PTPRR: variants seen among roughly 807,000 people sequenced by gnomAD.
The protein encoded by PTPRR is receptor-type tyrosine-protein phosphatase R.
In PTPRR, 38 loss-of-function variants were observed where a neutral mutation model predicts 77.2. That is an observed-to-expected ratio of 0.49 (90% CI 0.38 to 0.65). The LOEUF (loss-of-function observed/expected upper bound fraction) is 0.65. PTPRR is among the 30% of genes least tolerant of loss of function. The pLI is 0.00. For synonymous variants in PTPRR, 299 were observed against 283.1 expected, an observed-to-expected ratio of 1.06 and a Z score of -0.57; for missense variants, 744 against 799.2, an observed-to-expected ratio of 0.93 and a Z score of 0.83.
chr12:70,893,337 T>C (rs1276050144), intron 1 of PTPRR, among the ~76,000 whole-genome samples: 2 of 152,014 alleles, frequency 1.3e-5, no homozygotes, highest in Non-Finnish European at 2.9e-5. Context: ...AAATTATAAA[T>C]ATTTTTATCA....
intron 2 of PTPRR, among the ~76,000 whole-genome samples, chr12:70,883,164 G>A (rs1168921491): frequency 6.6e-6 from 1 of 152,124 alleles, no homozygotes; most frequent in Non-Finnish European, 1.5e-5. Flanking sequence ...GGGAGGCTGA[G>A]GCAGGAGAAT....
intron 4 of PTPRR, among the ~76,000 whole-genome samples, chr12:70,757,090 G>A (rs916052385): frequency 9.2e-5 from 14 of 152,268 alleles, no homozygotes; most frequent in African/African-American, 3.4e-4. Context: ...TGTCTCCTCA[G>A]CACTGTATGG....
chr12:70,795,913 ATTTTTTTTTT>A (rs71437157), intron 2 of PTPRR, among the ~76,000 whole-genome samples: 2,458 of 88,444 alleles, frequency 0.028, 233 homozygotes, highest in African/African-American at 0.091. Context: ...TATTTAGTAG[ATTTTTTTTTT>A]TTTTTTTTTT....
chr12:70,863,898 C>T (rs1592800376), intron 2 of PTPRR, among the ~76,000 whole-genome samples: 2 of 152,160 alleles, frequency 1.3e-5, no homozygotes, highest in East Asian at 3.9e-4. Context: ...GGCAATGCTA[C>T]TACTCCACAA....
At chr12:70,810,105 T>C (rs538566851) in intron 2 of PTPRR, among the ~76,000 whole-genome samples, 55 of 152,324 alleles carry the variant, frequency 3.6e-4, no homozygotes, top group African/African-American at 1.3e-3. Context: ...TTTCACTATT[T>C]ATCACTCCTC....
At chr12:70,672,068 A>G (rs1887247304) in intron 10 of PTPRR, 2 of 1,329,392 alleles carry the variant, frequency 1.5e-6, no homozygotes, top group African/African-American at 2.9e-5. Context: ...GAATGGTGGA[A>G]GGGTTATCAA....
At chr12:70,775,479 G>C (rs936340907) in intron 2 of PTPRR, among the ~76,000 whole-genome samples, 1 of 152,182 alleles carries the variant, frequency 6.6e-6, no homozygotes, top group Non-Finnish European at 1.5e-5. Flanking sequence ...TTAGCTTTTA[G>C]CTATTTATTT....
intron 8 of PTPRR, among the ~76,000 whole-genome samples, chr12:70,696,177 ATTT>A (rs35849407): frequency 7.0e-6 from 1 of 141,878 alleles, no homozygotes; most frequent in African/African-American, 2.6e-5. Context: ...CTTCCTCTCC[ATTT>A]TTTTTTTTTT....
chr12:70,662,838 TG>T (rs1332870757), intron 10 of PTPRR, among the ~76,000 whole-genome samples: 6 of 151,898 alleles, frequency 4.0e-5, no homozygotes, highest in Admixed American at 6.6e-5. Flanking sequence ...GTTTCATATG[TG>T]CCTATTAAAC....
intron 13 of PTPRR, among the ~76,000 whole-genome samples, chr12:70,648,152 G>A (rs1886266758): frequency 6.6e-6 from 1 of 152,142 alleles, no homozygotes; most frequent in Admixed American, 6.5e-5. Flanking sequence ...AATTGGTCAT[G>A]TGGCCTTGGA....
At chr12:70,842,852 A>C (rs1314531878) in intron 2 of PTPRR, among the ~76,000 whole-genome samples, 1 of 152,226 alleles carries the variant, frequency 6.6e-6, no homozygotes, top group Non-Finnish European at 1.5e-5. Context: ...GGCCTACCAC[A>C]GCAAGACATT....
intron 1 of PTPRR, among the ~76,000 whole-genome samples, chr12:70,914,319 G>C (rs1192928224): frequency 2.0e-5 from 3 of 152,160 alleles, no homozygotes; most frequent in Non-Finnish European, 2.9e-5. Context: ...AAAGGAGATA[G>C]CTGTATTAAA....
rs1890552000 is a variant in PTPRR at position 70,755,880 on chromosome 12, A to G, written c.628-1579T>C. Among the ~76,000 whole-genome samples, 9 of 152,202 alleles carry G rather than the reference A, an allele frequency of 5.9e-5. 1 individual carries two copies. The South Asian group carries it at 1.9e-3, about 32-fold the overall frequency. On this transcript the variant is annotated intron_variant, in intron 4 of 13. Coordinates refer to ENST00000283228, the MANE Select transcript of PTPRR (RefSeq NM_002849.4). ...CGTTTTTTTAAATTCCAATGTCTCT[A>G]TAAGCATAGCTGGAAACTAATAGAA... is the stretch of plus-strand genomic sequence containing the variant.
intron 2 of PTPRR, among the ~76,000 whole-genome samples, chr12:70,890,455 G>A (rs1306860325): frequency 6.6e-6 from 1 of 152,098 alleles, no homozygotes; most frequent in African/African-American, 2.4e-5. Context: ...CTTTTTAAAG[G>A]TAGCATTCTA....
intron 6 of PTPRR, among the ~76,000 whole-genome samples, chr12:70,728,586 C>T (rs1165087581): frequency 7.8e-6 from 1 of 127,404 alleles, no homozygotes; most frequent in Non-Finnish European, 1.6e-5. Context: ...ATCCCTAATC[C>T]AAAGATTCAA....
chr12:70,896,917 G>C (rs1358625061), intron 1 of PTPRR, among the ~76,000 whole-genome samples: 2 of 151,514 alleles, frequency 1.3e-5, no homozygotes, highest in Non-Finnish European at 3.0e-5. Flanking sequence ...AGATCAGATA[G>C]TTGTAGATAT....
intron 2 of PTPRR, among the ~76,000 whole-genome samples, chr12:70,863,814 A>T (rs1892794512): frequency 6.6e-6 from 1 of 152,138 alleles, no homozygotes; most frequent in Non-Finnish European, 1.5e-5. Context: ...TTGAATCTCC[A>T]TTCTGTTCAG....
intron 6 of PTPRR, among the ~76,000 whole-genome samples, chr12:70,730,405 G>A (rs1889611727): frequency 6.6e-6 from 1 of 152,248 alleles, no homozygotes; most frequent in East Asian, 1.9e-4. Flanking sequence ...CAGCTACTTG[G>A]GAGACTGAGG....
intron 2 of PTPRR, among the ~76,000 whole-genome samples, chr12:70,809,861 T>C (rs1463022259): frequency 1.2e-4 from 18 of 152,196 alleles, no homozygotes; most frequent in Non-Finnish European, 1.8e-4. Context: ...TTAAAAACGA[T>C]ATTCTGTGAA....
Sources: gnomAD v4.1 joint callset for allele counts (sites outside exome capture counted in the v4.1 genomes callset) on GRCh38, gnomAD v4.1.1 for gene constraint, MANE v1.5 for transcripts, NCBI Gene and HGNC (gene_info 2026-07-23, HGNC 2026-07-21) for gene names.